FGF14: variants seen among roughly 807,000 people sequenced by gnomAD.
FGF14 encodes fibroblast growth factor homologous factor 4.
FGF14 carries 5 observed loss-of-function variants against 25.5 expected under a neutral mutation model. The ratio of observed to expected loss-of-function variants is 0.20; its 90% confidence interval spans 0.10 to 0.41. FGF14 has a LOEUF of 0.41. FGF14 is among the 10% of genes least tolerant of loss of function. FGF14 has a pLI of 1.00. For synonymous variants in FGF14, 138 were observed against 118.3 expected (o/e 1.17, Z -1.08); for missense variants, 222 against 320.1 (o/e 0.69, Z 2.34).
intron 1 of FGF14, among the ~76,000 whole-genome samples, chr13:102,354,979 G>T (rs913116071): frequency 1.3e-5 from 2 of 152,010 alleles, no homozygotes; most frequent in Non-Finnish European, 1.5e-5. Context: ...TTCTTTGTGC[G>T]ATCAAGACCC....
intron 1 of FGF14, among the ~76,000 whole-genome samples, chr13:102,121,738 G>A (rs1555361676): frequency 6.6e-6 from 1 of 152,122 alleles, no homozygotes; most frequent in Non-Finnish European, 1.5e-5. Flanking sequence ...ATTGAGGACG[G>A]GAATGTCAGG....
intron 1 of FGF14, among the ~76,000 whole-genome samples, chr13:102,339,026 GAAAGA>G (rs2138887076): frequency 7.2e-6 from 1 of 138,364 alleles, no homozygotes; most frequent in Non-Finnish European, 1.6e-5. Context: ...AAAAAAAAAA[GAAAGA>G]AAAGAAAAGT....
intron 1 of FGF14, among the ~76,000 whole-genome samples, chr13:102,226,152 C>G (rs937482352): frequency 6.6e-6 from 1 of 152,286 alleles, no homozygotes; most frequent in East Asian, 1.9e-4. Context: ...TCCTAAGATG[C>G]TATATGTGGT....
chr13:102,071,564 C>T (rs1221850681), intron 1 of FGF14, among the ~76,000 whole-genome samples: 2 of 152,134 alleles, frequency 1.3e-5, no homozygotes, highest in Non-Finnish European at 2.9e-5. Flanking sequence ...TCAAAAGCAA[C>T]AGTAAACTGA....
intron 1 of FGF14, among the ~76,000 whole-genome samples, chr13:102,305,837 A>G (rs1001583670): frequency 1.3e-5 from 2 of 152,204 alleles, no homozygotes; most frequent in East Asian, 1.9e-4. Flanking sequence ...AAGGTTGCCA[A>G]TATTTACTCT....
At position 102,226,843 on chromosome 13, in the gene FGF14, T is replaced by G. The variant is rs567983966; in HGVS notation, c.208+174628A>C. 2.0e-5 allele frequency among the ~76,000 whole-genome samples: 3 copies of G among 152,236 alleles called. No homozygotes were observed. The South Asian group carries it at 6.2e-4, about 32-fold the overall frequency. ...AGCCACCAGAATTCAATTTATCAGT[T>G]TAACCACACATTCTACCTTCCTTCC... On this transcript the variant is annotated intron_variant, in intron 1 of 4. Coordinates refer to the FGF14 transcript ENST00000376131.
chr13:102,059,838 G>A (rs539916), intron 1 of FGF14, among the ~76,000 whole-genome samples: 6,370 of 150,050 alleles, frequency 0.042, 423 homozygotes, highest in African/African-American at 0.15. Flanking sequence ...GTGACAGAGC[G>A]AGACTCCATC....
chr13:102,171,676 C>T (rs74109512), intron 1 of FGF14, among the ~76,000 whole-genome samples: 1 of 151,960 alleles, frequency 6.6e-6, no homozygotes, highest in Non-Finnish European at 1.5e-5. Context: ...ACAGTGCATT[C>T]TTTTTTTCTG....
At chr13:101,797,735 A>ATGTGTGTGTG (rs1555384521) in intron 3 of FGF14, among the ~76,000 whole-genome samples, 31 of 34,080 alleles carry the variant, frequency 9.1e-4, no homozygotes, top group African/African-American at 1.6e-3. Flanking sequence ...TCATGAATTG[A>ATGTGTGTGTG]TGTGTGTGTG....
chr13:102,339,707 A>G (rs2056893448), intron 1 of FGF14, among the ~76,000 whole-genome samples: 1 of 152,220 alleles, frequency 6.6e-6, no homozygotes, highest in Non-Finnish European at 1.5e-5. Flanking sequence ...GAGGATAGAA[A>G]AAGACATTTT....
At chr13:102,141,755 G>C (rs796301050) in intron 1 of FGF14, among the ~76,000 whole-genome samples, 59 of 152,030 alleles carry the variant, frequency 3.9e-4, no homozygotes, top group African/African-American at 1.4e-3. Flanking sequence ...ATAATGTACC[G>C]AAAGAAAAAA....
chr13:101,790,425 T>A lies in FGF14; in HGVS notation c.409-63615A>T, dbSNP rs1253756056. ...ATTCATTTTCTTTTTTTTTTTTTTTTAACTTTTGTTTAGATTCAGTGGGTA... is the reference window on the plus strand; with the variant it reads ...ATTCATTTTCTTTTTTTTTTTTTTTAAACTTTTGTTTAGATTCAGTGGGTA... On this transcript the variant is annotated intron_variant, in intron 3 of 4. Coordinates refer to ENST00000376143, the MANE Select transcript of FGF14 (RefSeq NM_004115.4). Among the ~76,000 whole-genome samples the A allele has an allele frequency of 2.2e-5, 3 of 135,882 alleles. No individual in the cohort carries two copies. The Admixed American group carries it at 2.3e-4, about 10-fold the overall frequency. 89.1% of individuals were successfully genotyped at this position (135,882 alleles called of 152,430 possible). A position where few individuals can be genotyped will look rare whatever the true frequency, so the allele number is the denominator to read the frequency against.
rs191363060 is a variant in FGF14 at position 102,133,343 on chromosome 13, T to C, written c.209-258047A>G. Among the ~76,000 whole-genome samples, 239 of 152,342 alleles carry C rather than the reference T, an allele frequency of 1.6e-3. 2 individuals carry two copies. The highest frequency in any genetic ancestry group is 6.8e-3 in the Middle Eastern group (2 of 294). On this transcript the variant is annotated intron_variant, in intron 1 of 4. Transcript: ENST00000376131. ...TAAAAGGTGTATATGAATGGCTGTT[T>C]ACATTTTAAGGAATAAAAGAAAATC...
At chr13:102,103,338 T>C (rs2044747558) in intron 1 of FGF14, among the ~76,000 whole-genome samples, 1 of 29,860 alleles carries the variant, frequency 3.3e-5, no homozygotes, top group African/African-American at 2.6e-4. Flanking sequence ...CCTTACAGAA[T>C]AGAAAGAAAA....
At chr13:102,232,716 G>A (rs577196420) in intron 1 of FGF14, among the ~76,000 whole-genome samples, 3 of 152,244 alleles carry the variant, frequency 2.0e-5, no homozygotes, top group Admixed American at 6.5e-5. Context: ...GATGTAAATC[G>A]TTGTAGACTT....
chr13:101,821,628 A>C (rs1054349261), intron 3 of FGF14, among the ~76,000 whole-genome samples: 3 of 152,186 alleles, frequency 2.0e-5, no homozygotes, highest in Admixed American at 6.5e-5. Context: ...ATGTTTTCCC[A>C]AATGGTTATA....
intron 1 of FGF14, among the ~76,000 whole-genome samples, chr13:101,914,996 G>A (rs1404166168): frequency 6.6e-6 from 1 of 152,164 alleles, no homozygotes; most frequent in Admixed American, 6.5e-5. Context: ...GGCTAATGTG[G>A]AAAATTAAAA....
intron 1 of FGF14, among the ~76,000 whole-genome samples, chr13:102,241,610 T>C (rs2051605222): frequency 6.6e-6 from 1 of 152,186 alleles, no homozygotes; most frequent in Admixed American, 6.5e-5. Flanking sequence ...CCACCTGCTT[T>C]GCTAATTTGA....
At chr13:102,248,856 T>C (rs2052016234) in intron 1 of FGF14, among the ~76,000 whole-genome samples, 2 of 151,830 alleles carry the variant, frequency 1.3e-5, no homozygotes, top group South Asian at 4.2e-4. Flanking sequence ...GAAAAAAGCA[T>C]TAAAAGAAAA....
Sources: gnomAD v4.1 joint callset for allele counts (sites outside exome capture counted in the v4.1 genomes callset) on GRCh38, gnomAD v4.1.1 for gene constraint, MANE v1.5 for transcripts, NCBI Gene and HGNC (gene_info 2026-07-23, HGNC 2026-07-21) for gene names.